CHRM3: variants seen among roughly 807,000 people sequenced by gnomAD.
The protein encoded by CHRM3 is cholinergic receptor muscarinic 3, also known as muscarinic acetylcholine receptor M3.
CHRM3 carries 11 observed loss-of-function variants against 41.8 expected under a neutral mutation model. That is an observed-to-expected ratio of 0.26 (90% CI 0.17 to 0.44). The LOEUF is 0.44. CHRM3 is among the 20% of genes least tolerant of loss of function. The probability of loss-of-function intolerance (pLI) is 1.00; values close to 1 mark genes in which losing one functional copy is unlikely to be tolerated. For missense variants in CHRM3, 571 were observed against 745.4 expected, an observed-to-expected ratio of 0.77 and a Z score of 2.72; for synonymous variants, 297 against 301.4, an observed-to-expected ratio of 0.99 and a Z score of 0.15.
intron 1 of CHRM3, among the ~76,000 whole-genome samples, chr1:239,401,584 G>T (rs528699306): frequency 1.3e-5 from 2 of 151,686 alleles, no homozygotes; most frequent in East Asian, 3.9e-4. Flanking sequence ...TCCGCCTTCC[G>T]GATTTAAGCG....
At chr1:239,846,634 G>A (rs895576411) in intron 6 of CHRM3, among the ~76,000 whole-genome samples, 10 of 152,126 alleles carry the variant, frequency 6.6e-5, no homozygotes, top group African/African-American at 1.2e-4. Flanking sequence ...AGCGTTTCCC[G>A]AAGTGAATTG....
At chr1:239,424,461 A>G (rs1020081841) in intron 1 of CHRM3, among the ~76,000 whole-genome samples, 3 of 152,232 alleles carry the variant, frequency 2.0e-5, no homozygotes, top group Admixed American at 6.5e-5. Flanking sequence ...TGAAATGGAC[A>G]TGACATTTTG....
At chr1:239,594,757 TG>T (rs1332441766) in intron 3 of CHRM3, among the ~76,000 whole-genome samples, 1 of 152,172 alleles carries the variant, frequency 6.6e-6, no homozygotes, top group African/African-American at 2.4e-5. Context: ...TTCATACCCC[TG>T]GGTTCTGCAT....
chr1:239,856,229 G>T (rs1675104281), intron 6 of CHRM3, among the ~76,000 whole-genome samples: 1 of 152,100 alleles, frequency 6.6e-6, no homozygotes, highest in Non-Finnish European at 1.5e-5. Context: ...GTGTAGTATA[G>T]AAGGTGATAA....
chr1:239,492,599 C>T (rs1667626255), intron 1 of CHRM3, 110 bp from the exon 2 acceptor site: 1 of 152,194 alleles, frequency 6.6e-6, no homozygotes. Context: ...TTACTGTACT[C>T]TCTCACTCTT....
At chr1:239,551,144 CTTTTTTTTTT>C (rs1157407521) in intron 3 of CHRM3, among the ~76,000 whole-genome samples, 3 of 60,350 alleles carry the variant, frequency 5.0e-5, no homozygotes, top group East Asian at 5.7e-4. Context: ...TGTTACCATT[CTTTTTTTTTT>C]TTTTTTTTTT....
intron 2 of CHRM3, among the ~76,000 whole-genome samples, chr1:239,506,148 T>A (rs1041571070): frequency 2.0e-5 from 3 of 152,136 alleles, no homozygotes; most frequent in Non-Finnish European, 4.4e-5. Flanking sequence ...AAAATCTCAT[T>A]TTCTGAGGAG....
intron 4 of CHRM3, among the ~76,000 whole-genome samples, chr1:239,642,611 C>T (rs1411990059): frequency 6.6e-6 from 1 of 152,198 alleles, no homozygotes. Flanking sequence ...TGGCTTTCAG[C>T]TCCATCAGCT....
chr1:239,440,040 A>T (rs1663586770), intron 1 of CHRM3, among the ~76,000 whole-genome samples: 1 of 151,952 alleles, frequency 6.6e-6, no homozygotes, highest in Non-Finnish European at 1.5e-5. Context: ...TCTACTAAAA[A>T]TATAAAAATT....
rs200253723 is a variant in CHRM3, at chr1:239,682,637, TA to T, written c.-147+4359del. The stretch of plus-strand genomic sequence containing the variant: ...TGACATGCTATTGGTTAGGATTCAT[TA>T]AAAAAAAAACTGACGTAAAATATAA... On this transcript the variant is annotated intron_variant, in intron 5 of 6. Coordinates refer to ENST00000676153, the MANE Select transcript of CHRM3 (RefSeq NM_001375978.1). 5.9e-4 allele frequency among the ~76,000 whole-genome samples: 87 copies of T among 147,938 alleles called. 1 individual carries two copies. The East Asian group carries it at 0.011, about 18-fold the overall frequency.
chr1:239,773,931 G>T (rs1292360219), intron 5 of CHRM3, among the ~76,000 whole-genome samples: 1 of 151,790 alleles, frequency 6.6e-6, no homozygotes, highest in Non-Finnish European at 1.5e-5. Context: ...CAGGTAATTA[G>T]ATTTAGAGAT....
At chr1:239,565,194 C>A (rs993504217) in intron 3 of CHRM3, among the ~76,000 whole-genome samples, 1 of 152,196 alleles carries the variant, frequency 6.6e-6, no homozygotes, top group Non-Finnish European at 1.5e-5. Context: ...TAGTTAATTA[C>A]ATCTGCAAAG....
At chr1:239,557,906 C>A (rs1660516551) in intron 3 of CHRM3, among the ~76,000 whole-genome samples, 1 of 152,110 alleles carries the variant, frequency 6.6e-6, no homozygotes, top group South Asian at 2.1e-4. Context: ...TGGGTTGATT[C>A]CATGTCTTTG....
chr1:239,608,348 G>A (rs1666595217), intron 3 of CHRM3, among the ~76,000 whole-genome samples: 1 of 152,032 alleles, frequency 6.6e-6, no homozygotes, highest in Admixed American at 6.6e-5. Flanking sequence ...ATTGTTCAAA[G>A]GTTGCTTTGC....
chr1:239,518,371 C>T (rs1669411944), intron 2 of CHRM3, among the ~76,000 whole-genome samples: 1 of 152,186 alleles, frequency 6.6e-6, no homozygotes. Flanking sequence ...CACCTCTCCT[C>T]AAATCATTCT....
At chr1:239,532,920 T>G (rs1433412209) in intron 2 of CHRM3, among the ~76,000 whole-genome samples, 2 of 151,988 alleles carry the variant, frequency 1.3e-5, no homozygotes, top group Non-Finnish European at 2.9e-5. Flanking sequence ...CAATAAAAAG[T>G]TTTTTTTCTA....
At chr1:239,589,638 CTATATA>C (rs10592228) in intron 3 of CHRM3, among the ~76,000 whole-genome samples, 40,308 of 124,650 alleles carry the variant, frequency 0.32, 7,004 homozygotes, top group East Asian at 0.41. Context: ...ATATAAAAAA[CTATATA>C]TATATATATA....
intron 3 of CHRM3, among the ~76,000 whole-genome samples, chr1:239,597,027 GT>G (rs1451807667): frequency 2.0e-5 from 3 of 152,032 alleles, no homozygotes. Flanking sequence ...ATAGCTCTTA[GT>G]TTAAGCAGAA....
At position 239,824,408 on chromosome 1, in the gene CHRM3, C is replaced by T. The variant is rs540700359; in HGVS notation, c.-146-2844C>T. On this transcript the variant is annotated intron_variant, in intron 5 of 6. Coordinates refer to ENST00000676153, the MANE Select transcript of CHRM3 (RefSeq NM_001375978.1). ...TATAAGACAACCCAGTCCCAATGTT[C>T]GATACTTGTGCAATGCCAATAGAAT... 7.2e-5 allele frequency among the ~76,000 whole-genome samples: 11 copies of T among 152,120 alleles called. No individual in the cohort carries two copies. In the South Asian group the frequency reaches 1.2e-3, roughly 17 times the overall value.
Sources: allele counts gnomAD v4.1 joint callset (sites outside exome capture counted in the v4.1 genomes callset), GRCh38; gene constraint gnomAD v4.1.1; transcripts MANE v1.5; gene names NCBI Gene and HGNC (gene_info 2026-07-23, HGNC 2026-07-21).